RIMS2: variants seen among roughly 807,000 people sequenced by gnomAD.
The protein encoded by RIMS2 is regulating synaptic membrane exocytosis protein 2.
RIMS2 carries 59 observed loss-of-function variants against 174.4 expected under a neutral mutation model. That is an observed-to-expected ratio of 0.34 (90% CI 0.27 to 0.42). RIMS2 has a LOEUF of 0.42. RIMS2 is among the 10% of genes least tolerant of loss of function. RIMS2 has a pLI of 1.00. For missense variants in RIMS2, 1,620 were observed against 1,666.3 expected (o/e 0.97, Z 0.48); for synonymous variants, 606 against 572.5 (o/e 1.06, Z -0.84).
intron 15 of RIMS2, among the ~76,000 whole-genome samples, chr8:103,962,500 G>GTT (rs2090460620): frequency 6.6e-6 from 1 of 152,102 alleles, no homozygotes; most frequent in African/African-American, 2.4e-5. Context: ...CTGGTGAATC[G>GTT]TTTAATAAGA....
At chr8:104,136,269 T>C (rs2098518984) in intron 19 of RIMS2, among the ~76,000 whole-genome samples, 1 of 152,176 alleles carries the variant, frequency 6.6e-6, no homozygotes. Context: ...CTAAAAGCAA[T>C]AATACAGCAC....
intron 2 of RIMS2, among the ~76,000 whole-genome samples, chr8:103,758,596 T>C (rs1381763389): frequency 6.6e-6 from 1 of 152,208 alleles, no homozygotes; most frequent in African/African-American, 2.4e-5. Context: ...TGTGCTCTTA[T>C]TCACTGGTAC....
intron 2 of RIMS2, among the ~76,000 whole-genome samples, chr8:103,734,815 C>T (rs1411710548): frequency 1.3e-5 from 2 of 152,016 alleles, no homozygotes; most frequent in African/African-American, 4.8e-5. Context: ...TCTCTCAGTT[C>T]CCATGATCAT....
intron 1 of RIMS2, among the ~76,000 whole-genome samples, chr8:103,528,462 T>A (rs1835201167): frequency 6.6e-6 from 1 of 152,216 alleles, no homozygotes; most frequent in African/African-American, 2.4e-5. Context: ...ATGAAGTCCT[T>A]GCCCATGCCT....
At chr8:104,182,107 A>T (rs923984369) in intron 19 of RIMS2, among the ~76,000 whole-genome samples, 3 of 151,766 alleles carry the variant, frequency 2.0e-5, no homozygotes, top group African/African-American at 7.2e-5. Context: ...GGGGATAAAT[A>T]TTTTAATGTA....
intron 19 of RIMS2, among the ~76,000 whole-genome samples, chr8:104,119,604 C>T (rs982052529): frequency 2.0e-5 from 3 of 152,120 alleles, no homozygotes; most frequent in Non-Finnish European, 4.4e-5. Flanking sequence ...ATGGTATTTA[C>T]TTTTGTTTAC....
At chr8:104,084,741 G>A (rs1371450472) in intron 19 of RIMS2, among the ~76,000 whole-genome samples, 3 of 152,074 alleles carry the variant, frequency 2.0e-5, no homozygotes, top group African/African-American at 7.2e-5. Context: ...ACTATGCCTA[G>A]TTAATTATCA....
At chr8:103,556,883 C>A (rs965826196) in intron 1 of RIMS2, among the ~76,000 whole-genome samples, 2 of 152,166 alleles carry the variant, frequency 1.3e-5, no homozygotes, top group Admixed American at 1.3e-4. Flanking sequence ...TTTGTTGCAA[C>A]ATTATAGCAT....
intron 3 of RIMS2, among the ~76,000 whole-genome samples, chr8:103,849,606 C>T (rs926109158): frequency 6.6e-6 from 1 of 151,966 alleles, no homozygotes; most frequent in African/African-American, 2.4e-5. Context: ...AGGTCATTAG[C>T]TCTGAACCAT....
At chr8:103,671,202 C>T (rs1234944802) in intron 1 of RIMS2, among the ~76,000 whole-genome samples, 2 of 151,972 alleles carry the variant, frequency 1.3e-5, no homozygotes, top group African/African-American at 4.8e-5. Flanking sequence ...GGAAACCGCC[C>T]TCATGATTCA....
At chr8:104,083,548 G>A (rs2097471005) in intron 19 of RIMS2, among the ~76,000 whole-genome samples, 1 of 152,174 alleles carries the variant, frequency 6.6e-6, no homozygotes, top group African/African-American at 2.4e-5. Flanking sequence ...AAAGGGCCAT[G>A]TGCCAGGAAT....
rs58480013 is a variant in RIMS2, at chr8:103,740,754, G to A, written c.388-25473G>A. Among the ~76,000 whole-genome samples the A allele has an allele frequency of 3.7e-3, 562 of 152,208 alleles. 32 individuals carry two copies. The East Asian group carries it at 0.1, about 27-fold the overall frequency. ...GACCTTTTACAGTAAAACTGTTACA[G>A]CCTCTTTAAAAATGTATCCAGTGGA... On this transcript the variant is annotated intron_variant, in intron 2 of 23. Transcript: ENST00000504942.
At chr8:104,251,458 A>G (rs745903442) in intron 23 of RIMS2, 144 bp from the exon 30 acceptor site, 2 of 625,682 alleles carry the variant, frequency 3.2e-6, no homozygotes, top group Non-Finnish European at 5.7e-6. Context: ...CTAGTTAAAG[A>G]CAACTATTCT....
At chr8:103,998,213 TAC>T (rs1348467864) in intron 17 of RIMS2, 5 of 1,610,410 alleles carry the variant, frequency 3.1e-6, no homozygotes, top group South Asian at 2.2e-5. Flanking sequence ...TCGCTCCAGA[TAC>T]AGTCAGACCA....
upstream of RIMS2, chr8:103,500,673 C>G (rs6468876): frequency 2.0e-6 from 1 of 488,746 alleles, no homozygotes; most frequent in Middle Eastern, 5.3e-4. Context: ...AGAAACATTT[C>G]CCGAAGCGCA....
Position 104,233,510 on chromosome 8 carries a change from T to C in RIMS2, c.3335-11406T>C, listed in dbSNP as rs187452116. On this transcript the variant is annotated intron_variant, in intron 19 of 23. Coordinates refer to ENST00000504942, the Ensembl canonical transcript of RIMS2. Reference sequence around the variant, plus strand: ...CTCACTTGGTAGGAATGGCAGAGATTGACAGTAGAGTACGTTTCTTAGTTT... The same window carrying C: ...CTCACTTGGTAGGAATGGCAGAGATCGACAGTAGAGTACGTTTCTTAGTTT... Among the ~76,000 whole-genome samples, 135 of 152,294 alleles carry C rather than the reference T, an allele frequency of 8.9e-4. 4 individuals are homozygous for C. Among genetic ancestry groups the C allele is most frequent in the Admixed American group, 8.8e-3 (135 of 15,290 alleles).
Position 103,938,710 on chromosome 8 carries a change from T to G in RIMS2, c.2547+1988T>G, listed in dbSNP as rs190709093. On this transcript the variant is annotated intron_variant, in intron 13 of 23. Coordinates refer to ENST00000504942, the Ensembl canonical transcript of RIMS2. Reference sequence around the variant, plus strand: ...GTCTCATCTGAGACAAGGTAAGTCCTTTCTGCCTATGAGACTGTGTAATCA... The same window carrying G: ...GTCTCATCTGAGACAAGGTAAGTCCGTTCTGCCTATGAGACTGTGTAATCA... 2.3e-3 allele frequency among the ~76,000 whole-genome samples: 354 copies of G among 152,294 alleles called. 2 individuals are homozygous for G. The highest frequency in any genetic ancestry group is 8.1e-3 in the African/African-American group (337 of 41,554).
At chr8:103,890,606 TA>T (rs1464290301) in intron 4 of RIMS2, among the ~76,000 whole-genome samples, 2 of 152,100 alleles carry the variant, frequency 1.3e-5, no homozygotes, top group African/African-American at 4.8e-5. Context: ...GTTTGCTTTT[TA>T]TAACACTAAA....
intron 8 of RIMS2, among the ~76,000 whole-genome samples, chr8:103,917,554 A>G (rs1317255715): frequency 1.3e-5 from 2 of 152,140 alleles, no homozygotes; most frequent in African/African-American, 4.8e-5. Context: ...ATTTTAAAGA[A>G]TTTATAGTTC....
Sources: gnomAD v4.1 joint callset for allele counts (sites outside exome capture counted in the v4.1 genomes callset) on GRCh38, gnomAD v4.1.1 for gene constraint, MANE v1.5 for transcripts, NCBI Gene and HGNC (gene_info 2026-07-23, HGNC 2026-07-21) for gene names.